Variants in KIF2C observed in about 807,000 individuals in gnomAD.
The protein encoded by KIF2C is kinesin-like protein KIF2C.
Under a neutral mutation model 97.4 loss-of-function variants are expected in KIF2C, and 34 were observed. The ratio of observed to expected loss-of-function variants is 0.35; its 90% CI spans 0.27 to 0.46. The LOEUF (loss-of-function observed/expected upper bound fraction) is 0.46, where lower values mean the gene tolerates loss of function less well. Ranked by LOEUF, KIF2C falls within the 20% of genes least tolerant of loss-of-function variation. The pLI is 1.00. For synonymous variants in KIF2C, 313 were observed against 318.2 expected (o/e 0.98, Z 0.17); for missense variants, 750 against 907.6 (o/e 0.83, Z 2.23).
chr1:44,760,295 A>G lies in KIF2C; in HGVS notation c.1383A>G (p.Thr461=). The stretch of plus-strand genomic sequence containing the variant: ...TTTACCACAGAACCTCTGGGCAGAC[A>G]TTTGCCAACTCCAATTCCTCCCGCT... ...MGSACRTSGQ[T]FANSNSSRSH... Residue 461 remains threonine (T), a synonymous_variant, in exon 15 of 21, where the codon ACA becomes ACG. Transcript: ENST00000372224. This position sits in a 1 kb window ranked among gnomAD's most constrained non-coding sequence, Gnocchi z 4.2. 1.2e-6 allele frequency: 2 copies of G among 1,614,004 alleles called. No homozygotes were observed. The highest frequency in any genetic ancestry group is 2.2e-5 in the South Asian group (2 of 91,086).
chr1:44,752,221 C>G (rs1349120626), intron 5 of KIF2C, among the ~76,000 whole-genome samples: 2 of 147,072 alleles, frequency 1.4e-5, no homozygotes, highest in African/African-American at 2.5e-5. Flanking sequence ...TCACTGCAAG[C>G]TCTGCCTCCC....
chr1:44,763,765 G>A (rs1016020450), intron 19 of KIF2C, among the ~76,000 whole-genome samples: 62 of 152,200 alleles, frequency 4.1e-4, no homozygotes, highest in African/African-American at 1.3e-3. Flanking sequence ...GCCAGGCGCG[G>A]TGGCTCATGC....
In KIF2C at chr1:44,739,877, T is replaced by G; in HGVS notation, c.-56T>G. 5 of 1,510,706 alleles carry G rather than the reference T, an allele frequency of 3.3e-6. No homozygotes were observed. In the South Asian group the frequency reaches 4.5e-5, roughly 14 times the overall value. The allele number at this position is 1,510,706 out of a possible 1,614,324, so 93.6% of individuals were successfully genotyped here. A position where few individuals can be genotyped will look rare whatever the true frequency, so the allele number is the denominator to read the frequency against. On this transcript the variant is annotated 5_prime_UTR_variant, in exon 1 of 21. Transcript: ENST00000372224. ...ACGCGGCGTTAAGACTTCGTAGGGT[T>G]AGCGAAATTGAGGTTTCTTGGTATT...
chr1:44,740,947 C>G lies in KIF2C; in HGVS notation c.105C>G (p.Asn35Lys). The change falls in exon 2 of 21, where the codon AAC (asparagine) becomes AAG (lysine). Residue 35 changes from asparagine (N) to lysine (K), a missense_variant. By Grantham distance (94) the Asn-to-Lys change is moderately conservative. Transcript: ENST00000372224. ...LIHSANVRTV[N>K]LEKSCVSVEW... Reference sequence around the variant, plus strand: ...ACAGTGCCAATGTAAGGACTGTGAACTTGGAGAAATCCTGTGTTTCAGTGG... The same window carrying G: ...ACAGTGCCAATGTAAGGACTGTGAAGTTGGAGAAATCCTGTGTTTCAGTGG... 6.2e-7 allele frequency: 1 copy of G among 1,613,816 alleles called. No homozygotes were observed. The highest frequency in any genetic ancestry group is 8.5e-7 in the Non-Finnish European group (1 of 1,179,832).
rs770516235 is a variant in KIF2C at position 44,739,907 on chromosome 1, G to A, written c.-26G>A. ...AAATTGAGGTTTCTTGGTATTGCGC[G>A]TTTCTCTTCCTTGCTGACTCTCCGA... is the stretch of plus-strand genomic sequence containing the variant. On this transcript the variant is annotated 5_prime_UTR_variant, in exon 1 of 21. Coordinates refer to ENST00000372224, the MANE Select transcript of KIF2C (RefSeq NM_006845.4). 3.6e-5 allele frequency: 58 copies of A among 1,607,124 alleles called. No individual in the cohort carries two copies. The South Asian group carries it at 5.7e-4, about 16-fold the overall frequency.
chr1:44,754,436 G>A (rs1270644437), intron 7 of KIF2C, among the ~76,000 whole-genome samples: 4 of 152,138 alleles, frequency 2.6e-5, no homozygotes, highest in South Asian at 4.1e-4. Flanking sequence ...CAAGTTGTAC[G>A]TATTTGGAGG....
intron 1 of KIF2C, 96 bp from the exon 2 acceptor site, chr1:44,740,817 C>A: frequency 4.7e-5 from 19 of 408,084 alleles, no homozygotes; most frequent in East Asian, 8.9e-5. Context: ...CTGCCTGTTC[C>A]TTCAGGTTAA....
At chr1:44,748,370 C>T (rs1473629035) in intron 4 of KIF2C, among the ~76,000 whole-genome samples, 1 of 152,140 alleles carries the variant, frequency 6.6e-6, no homozygotes, top group African/African-American at 2.4e-5. Flanking sequence ...TTGGCTGGAG[C>T]TTCAGGTTCT....
At chr1:44,759,857 G>C (rs571602194) in intron 14 of KIF2C, among the ~76,000 whole-genome samples, 30 of 152,242 alleles carry the variant, frequency 2.0e-4, no homozygotes, top group African/African-American at 6.7e-4. Context: ...AATTAGGGGA[G>C]CACTTTTCCA....
chr1:44,762,251 T>G, intron 17 of KIF2C, 95 bp from the exon 18 acceptor site: 1 of 1,174,676 alleles, frequency 8.5e-7, no homozygotes, highest in Non-Finnish European at 1.3e-6. Context: ...TTCCATCCCC[T>G]TGGAGCCTCA....
At chr1:44,753,098 G>A in intron 5 of KIF2C, 34 bp from the exon 6 acceptor site, 1 of 1,593,144 alleles carries the variant, frequency 6.3e-7, no homozygotes. Flanking sequence ...TGGTATACTT[G>A]CCTGCTTCTC....
In KIF2C at chr1:44,760,729, G is replaced by A; in HGVS notation, c.1683+27G>A. On this transcript the variant is annotated intron_variant, in intron 16 of 20. Transcript: ENST00000372224. The surrounding 1 kb of genome is among the most constrained non-coding windows in gnomAD (Gnocchi z 4.2). The stretch of plus-strand genomic sequence containing the variant: ...TGAGTAGGGTCACTTTGAAGGTGAT[G>A]GTACAGGAGGAGACAGAGTTGCTTT... 6.4e-7 allele frequency: 1 copy of A among 1,559,928 alleles called. No homozygotes were observed. The highest frequency in any genetic ancestry group is 1.1e-5 in the South Asian group (1 of 89,650).
chr1:44,760,263 AC>A lies in KIF2C; in HGVS notation c.1368-15del. The A allele has an allele frequency of 6.2e-7, 1 of 1,612,726 alleles. No individual in the cohort carries two copies. The highest frequency in any genetic ancestry group is 8.5e-7 in the Non-Finnish European group (1 of 1,179,148). On this transcript the variant is annotated splice_polypyrimidine_tract_variant and intron_variant, in intron 14 of 20. Coordinates refer to ENST00000372224, the MANE Select transcript of KIF2C (RefSeq NM_006845.4). This position sits in a 1 kb window ranked among gnomAD's most constrained non-coding sequence, Gnocchi z 4.2. ...GGGCTGGTGACCACAGAATCTCATA[AC>A]CTTTCTTTACCACAGAACCTCTGGG...
intron 2 of KIF2C, chr1:44,746,754 T>A: frequency 6.2e-7 from 1 of 1,609,722 alleles, no homozygotes; most frequent in East Asian, 2.2e-5. Flanking sequence ...CATATCCATC[T>A]AGATGGTAAA....
intron 19 of KIF2C, among the ~76,000 whole-genome samples, chr1:44,766,584 C>T (rs1019942977): frequency 3.3e-5 from 5 of 152,126 alleles, no homozygotes; most frequent in Admixed American, 2.6e-4. Context: ...GCACTCCAGC[C>T]TGGGCAACAA....
chr1:44,742,404 C>A (rs1032574867), intron 2 of KIF2C, among the ~76,000 whole-genome samples: 5 of 151,190 alleles, frequency 3.3e-5, no homozygotes, highest in Middle Eastern at 3.4e-3. Context: ...CCACCATGCC[C>A]GGCTCTGGTA....
In KIF2C at chr1:44,749,902, C is replaced by A. The variant is rs1649415363; in HGVS notation, c.317-540C>A. ...GACCATGCTGGCCAACATGGTGAAA[C>A]CCCGTCTGTACTAAAAAAAAAATAC... On this transcript the variant is annotated intron_variant, in intron 4 of 20. Transcript: ENST00000372224. Among the ~76,000 whole-genome samples the A allele has an allele frequency of 2.0e-5, 3 of 151,796 alleles. No homozygotes were observed. The South Asian group carries it at 6.3e-4, about 32-fold the overall frequency.
At chr1:44,752,291 C>T (rs530670248) in intron 5 of KIF2C, among the ~76,000 whole-genome samples, 99 of 151,508 alleles carry the variant, frequency 6.5e-4, no homozygotes, top group Admixed American at 1.4e-3. Flanking sequence ...CCTGCCACCG[C>T]GCCCGGCTAA....
At chr1:44,743,362 G>A (rs1197495484) in intron 2 of KIF2C, among the ~76,000 whole-genome samples, 1 of 152,154 alleles carries the variant, frequency 6.6e-6, no homozygotes, top group Non-Finnish European at 1.5e-5. Flanking sequence ...TGATAATAAT[G>A]TCTACCTCAC....
Sources: allele counts gnomAD v4.1 joint callset (sites outside exome capture counted in the v4.1 genomes callset), GRCh38; gene constraint gnomAD v4.1.1; non-coding constraint Gnocchi (gnomAD v3.1); transcripts MANE v1.5; gene names NCBI Gene and HGNC (gene_info 2026-07-23, HGNC 2026-07-21).